Variants in CHRNB3 observed in about 807,000 individuals in gnomAD.
The protein encoded by CHRNB3 is neuronal acetylcholine receptor subunit beta-3.
CHRNB3 carries 37 observed loss-of-function variants against 40.6 expected under a neutral mutation model. The ratio of observed to expected loss-of-function variants is 0.91; its 90% CI spans 0.70 to 1.20. The LOEUF (loss-of-function observed/expected upper bound fraction) is 1.20. CHRNB3 is among the 50% of genes most tolerant of loss of function. The pLI is 0.00. For synonymous variants in CHRNB3, 207 were observed against 207.1 expected, an observed-to-expected ratio of 1.00 and a Z score of 0.00; for missense variants, 505 against 551.2, an observed-to-expected ratio of 0.92 and a Z score of 0.84.
intron 1 of CHRNB3, among the ~76,000 whole-genome samples, chr8:42,704,698 G>GTGTGTGTGTGTA (rs1375456627): frequency 7.2e-5 from 11 of 152,184 alleles, no homozygotes; most frequent in African/African-American, 2.4e-4. Context: ...GTGTGTGTGT[G>GTGTGTGTGTGTA]TGCTTGCATG....
At chr8:42,734,507 C>A (rs1486668848) in intron 5 of CHRNB3, among the ~76,000 whole-genome samples, 1 of 150,940 alleles carries the variant, frequency 6.6e-6, no homozygotes. Flanking sequence ...GCAAGCTCCA[C>A]CTTCCGGGTT....
Position 42,703,435 on chromosome 8 carries a change from A to AAAAAAAAAATATATATATATATATATAT in CHRNB3, c.53-5281_53-5280insAAAAAAAATATATATATATATATATATA. On this transcript the variant is annotated intron_variant, in intron 1 of 5. Transcript: ENST00000289957. ...CAAGACTTCGTCTAAAAAAAAAAAA[A>AAAAAAAAAATATATATATATATATATAT]ATATTTATATATATATATATATATA... Among the ~76,000 whole-genome samples, 143 of 47,316 alleles carry AAAAAAAAAATATATATATATATATATAT rather than the reference A, an allele frequency of 3.0e-3. 19 individuals are homozygous for AAAAAAAAAATATATATATATATATATAT. Among genetic ancestry groups the AAAAAAAAAATATATATATATATATATAT allele is most frequent in the Middle Eastern group, 0.01 (1 of 96 alleles). The allele number at this position is 47,316 out of a possible 152,430, so 31.0% of individuals were successfully genotyped here. A position where few individuals can be genotyped will look rare whatever the true frequency, so the allele number is the denominator to read the frequency against.
In CHRNB3 at chr8:42,725,988, C is replaced by T. The variant is rs1816302753; in HGVS notation, c.250-4606C>T. The T allele has an allele frequency of 7.0e-6, 8 of 1,145,226 alleles. No individual in the cohort carries two copies. In the South Asian group the frequency reaches 1.0e-4, roughly 14 times the overall value. The allele number at this position is 1,145,226 out of a possible 1,614,324, so 70.9% of individuals were successfully genotyped here. A position where few individuals can be genotyped will look rare whatever the true frequency, so the allele number is the denominator to read the frequency against. On this transcript the variant is annotated intron_variant, in intron 3 of 5. Transcript: ENST00000289957. ...CAAAGGCCAAGGAATGTTTATCTGG[C>T]AATTCCAAGGTGTGGTTTCACTTCT...
At chr8:42,729,236 T>A (rs1286681008) in intron 3 of CHRNB3, among the ~76,000 whole-genome samples, 2 of 151,746 alleles carry the variant, frequency 1.3e-5, no homozygotes, top group Middle Eastern at 3.2e-3. Flanking sequence ...TGAAACCCCG[T>A]CTCCACTAAA....
Position 42,732,173 on chromosome 8 carries a change from C to T in CHRNB3, c.866C>T (p.Ser289Phe). 1.2e-6 allele frequency: 2 copies of T among 1,609,614 alleles called. No individual in the cohort carries two copies. The highest frequency in any genetic ancestry group is 3.4e-5 in the Admixed American group (2 of 59,032). The change falls in exon 5 of 6, where the codon TCT becomes TTT. Residue 289 changes from serine (S) to phenylalanine (F), a missense_variant. Ser to Phe is a radical substitution (Grantham distance 155). Coordinates refer to ENST00000289957, the MANE Select transcript of CHRNB3 (RefSeq NM_000749.5). ...GTGATTGAAGAAATCATCCCATCGT[C>T]TTCCAAAGTCATTCCTCTCATTGGA... is the stretch of plus-strand genomic sequence containing the variant. ...LLVIEEIIPS[S>F]SKVIPLIGEY...
At chr8:42,732,570 G>A (rs1262765022) in intron 5 of CHRNB3, 21 bp downstream of exon 5, 2 of 1,551,730 alleles carry the variant, frequency 1.3e-6, no homozygotes, top group African/African-American at 2.8e-5. Flanking sequence ...TGGTATTCCT[G>A]ATAATGCTGC....
intron 5 of CHRNB3, among the ~76,000 whole-genome samples, chr8:42,736,249 G>A (rs1816521516): frequency 6.6e-6 from 1 of 152,136 alleles, no homozygotes; most frequent in Admixed American, 6.5e-5. Flanking sequence ...GAATTCTATT[G>A]TTTCTATTTT....
chr8:42,735,665 G>A (rs1816511919), intron 5 of CHRNB3, among the ~76,000 whole-genome samples: 2 of 152,008 alleles, frequency 1.3e-5, no homozygotes, highest in South Asian at 2.1e-4. Flanking sequence ...CCAGCCAGTC[G>A]TGCCTTGACT....
rs762974631 is a variant in CHRNB3, at chr8:42,731,974, A to G, written c.667A>G (p.Ile223Val). ...RRDGVYSYPF[I>V]TYSFVLRRLP... ...GGACGGCGTGTACTCCTATCCCTTT[A>G]TCACGTATTCCTTCGTCCTGAGACG... Residue 223 changes from isoleucine (I) to valine (V), a missense_variant, in exon 5 of 6, where the codon ATC becomes GTC. Physicochemically the swap from Ile to Val is conservative, Grantham distance 29. Coordinates refer to ENST00000289957, the MANE Select transcript of CHRNB3 (RefSeq NM_000749.5). The G allele has an allele frequency of 1.2e-6, 2 of 1,614,142 alleles. No individual in the cohort carries two copies. Among genetic ancestry groups the G allele is most frequent in the Admixed American group, 1.7e-5 (1 of 60,012 alleles).
At chr8:42,728,963 A>G (rs1019362856) in intron 3 of CHRNB3, among the ~76,000 whole-genome samples, 17 of 152,206 alleles carry the variant, frequency 1.1e-4, no homozygotes, top group African/African-American at 3.9e-4. Context: ...GCAGGAGACA[A>G]ATTATTCCTA....
At position 42,714,720 on chromosome 8, in the gene CHRNB3, C is replaced by G. The variant is rs1175433221; in HGVS notation, c.249+4286C>G. On this transcript the variant is annotated intron_variant, in intron 3 of 5. Transcript: ENST00000289957. Reference sequence around the variant, plus strand: ...TGCTAACTGTGTAACGGGAATAATCCCATTGAATTTTCACAACCATCCTAT... The same window carrying G: ...TGCTAACTGTGTAACGGGAATAATCGCATTGAATTTTCACAACCATCCTAT... The G allele has an allele frequency of 4.6e-5, 7 of 152,118 alleles. 1 individual carries two copies. The East Asian group carries it at 1.3e-3, about 29-fold the overall frequency. 9.4% of individuals were successfully genotyped at this position (152,118 alleles called of 1,614,324 possible). A position where few individuals can be genotyped will look rare whatever the true frequency, so the allele number is the denominator to read the frequency against.
At chr8:42,720,386 T>A (rs534565038) in intron 3 of CHRNB3, among the ~76,000 whole-genome samples, 7 of 152,126 alleles carry the variant, frequency 4.6e-5, no homozygotes, top group African/African-American at 1.4e-4. Flanking sequence ...AGTGCTGGAA[T>A]TACAGGCATG....
Position 42,710,431 on chromosome 8 carries a change from A to G in CHRNB3, c.246A>G (p.Lys82=). ...TGATGACAACCAATGTGTGGCTCAA[A>G]CAGGTAAATTTCAATCCAAGGATTG... is the stretch of plus-strand genomic sequence containing the variant. ...NQLMTTNVWL[K]QEWTDHKLRW... The change falls in exon 3 of 6, where the codon AAA becomes AAG. Residue 82 remains lysine (K), a synonymous_variant. Coordinates refer to ENST00000289957, the MANE Select transcript of CHRNB3 (RefSeq NM_000749.5). The G allele has an allele frequency of 6.2e-7, 1 of 1,609,380 alleles. No individual in the cohort carries two copies. Among genetic ancestry groups the G allele is most frequent in the Non-Finnish European group, 8.5e-7 (1 of 1,177,484 alleles).
chr8:42,702,549 G>T (rs931446962), intron 1 of CHRNB3, among the ~76,000 whole-genome samples: 2 of 152,006 alleles, frequency 1.3e-5, no homozygotes, highest in African/African-American at 2.4e-5. Flanking sequence ...GGGATCACCA[G>T]GTCCAGAGAT....
rs1281851064 is a variant in CHRNB3 at position 42,700,160 on chromosome 8, C to A, written c.52+2562C>A. ...TCCAGAGGAGCTGGGACTACAGGTGCCCACCACCACGCCCAGCTAATATTT... is the reference window on the plus strand; with the variant it reads ...TCCAGAGGAGCTGGGACTACAGGTGACCACCACCACGCCCAGCTAATATTT... On this transcript the variant is annotated intron_variant, in intron 1 of 5. Coordinates refer to ENST00000289957, the MANE Select transcript of CHRNB3 (RefSeq NM_000749.5). Among the ~76,000 whole-genome samples the A allele has an allele frequency of 3.3e-5, 5 of 151,974 alleles. No individual in the cohort carries two copies. The East Asian group carries it at 9.7e-4, about 29-fold the overall frequency.
At chr8:42,734,460 C>G (rs1349637918) in intron 5 of CHRNB3, among the ~76,000 whole-genome samples, 2 of 148,340 alleles carry the variant, frequency 1.3e-5, no homozygotes, top group African/African-American at 5.0e-5. Flanking sequence ...CGCTCTGTCA[C>G]CGAGGCTGTA....
intron 5 of CHRNB3, among the ~76,000 whole-genome samples, chr8:42,735,906 C>T (rs536078043): frequency 6.6e-6 from 1 of 152,278 alleles, no homozygotes; most frequent in East Asian, 1.9e-4. Context: ...ATACGTGTAT[C>T]AGGAAGCACC....
rs757348769 is a variant in CHRNB3, at chr8:42,732,554, G to A, written c.1242+5G>A. The A allele has an allele frequency of 1.3e-6, 2 of 1,576,324 alleles. No individual in the cohort carries two copies. Among genetic ancestry groups the A allele is most frequent in the Non-Finnish European group, 1.7e-6 (2 of 1,165,400 alleles). ...AAAGAACATTTTATCAGCCAGGTGAGTAAACTGGTATTCCTGATAATGCTG... is the reference window on the plus strand; with the variant it reads ...AAAGAACATTTTATCAGCCAGGTGAATAAACTGGTATTCCTGATAATGCTG... On this transcript the variant is annotated splice_donor_5th_base_variant and intron_variant, in intron 5 of 5. Coordinates refer to ENST00000289957, the MANE Select transcript of CHRNB3 (RefSeq NM_000749.5).
intron 3 of CHRNB3, among the ~76,000 whole-genome samples, chr8:42,719,994 C>G (rs974316287): frequency 6.6e-6 from 1 of 151,864 alleles, no homozygotes; most frequent in Non-Finnish European, 1.5e-5. Context: ...CCTCAAGGAT[C>G]TGAAGGCAGC....
Sources: allele counts gnomAD v4.1 joint callset (sites outside exome capture counted in the v4.1 genomes callset), GRCh38; gene constraint gnomAD v4.1.1; transcripts MANE v1.5; gene names NCBI Gene and HGNC (gene_info 2026-07-23, HGNC 2026-07-21).